ZNF521: variants seen among roughly 807,000 people sequenced by gnomAD.
ZNF521 encodes zinc finger protein 521, also known as LYST-interacting protein 3.
A neutral mutation model predicts 105.5 loss-of-function variants in ZNF521; 14 were observed. The ratio of observed to expected loss-of-function variants is 0.13; its 90% confidence interval spans 0.09 to 0.21. The LOEUF (loss-of-function observed/expected upper bound fraction) is 0.21. Ranked by LOEUF, ZNF521 falls within the 10% of genes least tolerant of loss-of-function variation. The pLI is 1.00. For synonymous variants in ZNF521, 635 were observed against 606.0 expected, an observed-to-expected ratio of 1.05 and a Z score of -0.70; for missense variants, 1,233 against 1,629.7, an observed-to-expected ratio of 0.76 and a Z score of 4.19.
At chr18:25,310,520 A>G (rs1034752375) in intron 3 of ZNF521, among the ~76,000 whole-genome samples, 1 of 152,146 alleles carries the variant, frequency 6.6e-6, no homozygotes, top group Non-Finnish European at 1.5e-5. Context: ...AGGCATATAT[A>G]TTATACATGC....
At chr18:25,220,450 C>T (rs939175423) in intron 4 of ZNF521, among the ~76,000 whole-genome samples, 8 of 152,182 alleles carry the variant, frequency 5.3e-5, no homozygotes, top group African/African-American at 1.9e-4. Context: ...GAAAGTGCCA[C>T]GGGATTGTGG....
chr18:25,137,932 G>A lies in ZNF521; in HGVS notation c.3659-45851C>T, dbSNP rs11872193. Among the ~76,000 whole-genome samples the A allele has an allele frequency of 5.7e-3, 874 of 152,216 alleles. 8 individuals are homozygous for A. The highest frequency in any genetic ancestry group is 0.02 in the African/African-American group (827 of 41,534). On this transcript the variant is annotated intron_variant, in intron 5 of 7. Coordinates refer to ENST00000361524, the MANE Select transcript of ZNF521 (RefSeq NM_015461.3). ...AAAGCAAAAAAAGTCTTTATTAATG[G>A]GGGTGTTCAGAAACTCTCCTTCTGT... is the stretch of plus-strand genomic sequence containing the variant.
At chr18:25,109,393 T>C (rs950322361) in intron 5 of ZNF521, among the ~76,000 whole-genome samples, 2 of 152,262 alleles carry the variant, frequency 1.3e-5, no homozygotes, top group African/African-American at 4.8e-5. Context: ...GCTTTGCCAC[T>C]GTGACTAGTG....
At chr18:25,112,323 T>C (rs1369070790) in intron 5 of ZNF521, among the ~76,000 whole-genome samples, 1 of 152,196 alleles carries the variant, frequency 6.6e-6, no homozygotes, top group Non-Finnish European at 1.5e-5. Context: ...ATCTGCATTA[T>C]GAAATGTTAA....
intron 5 of ZNF521, among the ~76,000 whole-genome samples, chr18:25,132,127 G>A (rs1191259838): frequency 6.6e-6 from 1 of 152,130 alleles, no homozygotes; most frequent in African/African-American, 2.4e-5. Context: ...TGATGAAAGG[G>A]GCAGCTACTT....
intron 7 of ZNF521, among the ~76,000 whole-genome samples, chr18:25,086,084 T>C (rs1035108759): frequency 6.6e-6 from 1 of 152,052 alleles, no homozygotes; most frequent in Non-Finnish European, 1.5e-5. Flanking sequence ...AGTAGATGAG[T>C]TCAAGTGGTT....
intron 2 of ZNF521, among the ~76,000 whole-genome samples, chr18:25,335,877 CT>C (rs1317350679): frequency 6.6e-6 from 1 of 152,174 alleles, no homozygotes; most frequent in Non-Finnish European, 1.5e-5. Flanking sequence ...GGCTGGGCTT[CT>C]AAAGCCCAAA....
chr18:25,170,411 TACA>T (rs1312317951), intron 5 of ZNF521, among the ~76,000 whole-genome samples: 1 of 152,158 alleles, frequency 6.6e-6, no homozygotes, highest in East Asian at 1.9e-4. Flanking sequence ...TACAGCCAAA[TACA>T]ACATCTTTGT....
At chr18:25,100,976 T>C (rs1455726847) in intron 5 of ZNF521, among the ~76,000 whole-genome samples, 1 of 152,224 alleles carries the variant, frequency 6.6e-6, no homozygotes, top group Admixed American at 6.5e-5. Flanking sequence ...AGAGGAGCAT[T>C]CTGGCCTGGC....
At position 25,168,180 on chromosome 18, in the gene ZNF521, G is replaced by C. The variant is rs1483329544; in HGVS notation, c.3658+26980C>G. Among the ~76,000 whole-genome samples the C allele has an allele frequency of 4.6e-5, 7 of 152,084 alleles. No individual in the cohort carries two copies. In the East Asian group the frequency reaches 1.3e-3, roughly 29 times the overall value. The stretch of plus-strand genomic sequence containing the variant: ...TGTGGCCCGTCCCTCTAGGGAGCGA[G>C]GTGGAGAATAAAAAGTTCCACATAT... On this transcript the variant is annotated intron_variant, in intron 5 of 7. Transcript: ENST00000361524.
intron 3 of ZNF521, among the ~76,000 whole-genome samples, chr18:25,288,707 A>G (rs1288871205): frequency 6.6e-6 from 1 of 152,178 alleles, no homozygotes; most frequent in Non-Finnish European, 1.5e-5. Flanking sequence ...CAGCCAGTGA[A>G]GTAAACATTT....
At chr18:25,310,634 T>A (rs1047799932) in intron 3 of ZNF521, among the ~76,000 whole-genome samples, 1 of 152,158 alleles carries the variant, frequency 6.6e-6, no homozygotes, top group Non-Finnish European at 1.5e-5. Context: ...ATAGAGGACA[T>A]ATATACGCCC....
intron 5 of ZNF521, among the ~76,000 whole-genome samples, chr18:25,137,933 G>T (rs1256783128): frequency 6.6e-6 from 1 of 152,112 alleles, no homozygotes; most frequent in Non-Finnish European, 1.5e-5. Flanking sequence ...TTATTAATGG[G>T]GGTGTTCAGA....
At chr18:25,097,350 C>T (rs930782278) in intron 5 of ZNF521, among the ~76,000 whole-genome samples, 6 of 152,122 alleles carry the variant, frequency 3.9e-5, no homozygotes, top group African/African-American at 1.4e-4. Context: ...ACTTAGGCTT[C>T]AAAGTCTGCC....
intron 2 of ZNF521, among the ~76,000 whole-genome samples, chr18:25,322,556 C>CAAAAAAAAAAAAAAAAAAAAAAAAAAA (rs1311502086): frequency 6.8e-6 from 1 of 146,220 alleles, no homozygotes; most frequent in Non-Finnish European, 1.5e-5. Context: ...AAAAAAAACC[C>CAAAAAAAAAAAAAAAAAAAAAAAAAAA]CCCCACTGTG....
intron 5 of ZNF521, among the ~76,000 whole-genome samples, chr18:25,111,354 C>T (rs1600043204): frequency 6.6e-6 from 1 of 152,316 alleles, no homozygotes; most frequent in East Asian, 1.9e-4. Flanking sequence ...AGTGCTACCT[C>T]ATTGTAACCT....
chr18:25,155,810 G>A (rs2035132829), intron 5 of ZNF521, among the ~76,000 whole-genome samples: 1 of 152,064 alleles, frequency 6.6e-6, no homozygotes, highest in Admixed American at 6.6e-5. Context: ...AAAAAAAGGA[G>A]GCAATCCTGC....
chr18:25,170,866 T>C lies in ZNF521; in HGVS notation c.3658+24294A>G, dbSNP rs562568959. 2.0e-5 allele frequency among the ~76,000 whole-genome samples: 3 copies of C among 152,274 alleles called. No individual in the cohort carries two copies. The South Asian group carries it at 6.2e-4, about 32-fold the overall frequency. On this transcript the variant is annotated intron_variant, in intron 5 of 7. Transcript: ENST00000361524. Reference sequence around the variant, plus strand: ...TGTTGTATTTTGGCATTTGCATTTATGAGTTAAAAATTTGTTTTGTGTCCA... The same window carrying C: ...TGTTGTATTTTGGCATTTGCATTTACGAGTTAAAAATTTGTTTTGTGTCCA...
chr18:25,116,886 T>TAC (rs1491081412), intron 5 of ZNF521, among the ~76,000 whole-genome samples: 2 of 43,230 alleles, frequency 4.6e-5, no homozygotes, highest in African/African-American at 9.4e-5. Context: ...TATATATATA[T>TAC]ACGTATATAT....
Sources: allele counts gnomAD v4.1 joint callset (sites outside exome capture counted in the v4.1 genomes callset), GRCh38; gene constraint gnomAD v4.1.1; transcripts MANE v1.5; gene names NCBI Gene and HGNC (gene_info 2026-07-23, HGNC 2026-07-21).